The following MSANTD1 variants were observed in gnomAD, a reference collection of about 807,000 sequenced individuals.
The protein encoded by MSANTD1 is myb/SANT-like DNA-binding domain-containing protein 1.
Under a neutral mutation model 24.2 loss-of-function variants are expected in MSANTD1, and 7 were observed. That is an observed-to-expected ratio of 0.29 (90% CI 0.16 to 0.54). The LOEUF (loss-of-function observed/expected upper bound fraction) is 0.54, where lower values mean the gene tolerates loss of function less well. Among genes scored for constraint, MSANTD1 ranks in the 20% least tolerant of loss-of-function variants. The pLI is 0.94. For synonymous variants in MSANTD1, 177 were observed against 181.1 expected, an observed-to-expected ratio of 0.98 and a Z score of 0.18; for missense variants, 384 against 408.2, an observed-to-expected ratio of 0.94 and a Z score of 0.51.
upstream of MSANTD1, chr4:3,247,888 G>T (rs1722080880): frequency 6.6e-6 from 1 of 152,304 alleles, no homozygotes. Flanking sequence ...CACCTCCAAG[G>T]TGCCTCAGAG....
intron 1 of MSANTD1, among the ~76,000 whole-genome samples, chr4:3,251,232 C>T (rs1722219022): frequency 1.3e-5 from 2 of 152,234 alleles, no homozygotes; most frequent in Non-Finnish European, 2.9e-5. Flanking sequence ...GAGGTGGCCA[C>T]GACTGTTCCA....
intron 1 of MSANTD1, among the ~76,000 whole-genome samples, chr4:3,252,068 G>A (rs941545939): frequency 6.6e-6 from 1 of 152,258 alleles, no homozygotes; most frequent in Non-Finnish European, 1.5e-5. Context: ...CTGGCAGGTA[G>A]CAAGAGTAGG....
chr4:3,251,582 G>A (rs1266844833), intron 1 of MSANTD1, among the ~76,000 whole-genome samples: 2 of 152,326 alleles, frequency 1.3e-5, no homozygotes, highest in South Asian at 4.1e-4. Context: ...CTTGCCCAGG[G>A]CCACATAGTC....
chr4:3,255,287 G>A (rs530710262), intron 2 of MSANTD1, among the ~76,000 whole-genome samples: 73 of 150,644 alleles, frequency 4.8e-4, no homozygotes, highest in African/African-American at 1.7e-3. Flanking sequence ...GCAGTGGCGC[G>A]ATCTTGGCTC....
Position 3,255,713 on chromosome 4 carries a change from C to G in MSANTD1, c.597-12C>G. 1 of 1,528,038 alleles carries G rather than the reference C, an allele frequency of 6.5e-7. No homozygotes were observed. Among genetic ancestry groups the G allele is most frequent in the African/African-American group, 1.4e-5 (1 of 72,634 alleles). The allele number at this position is 1,528,038 out of a possible 1,614,324, so 94.7% of individuals were successfully genotyped here. ...GTGGCCAGCACGTCCACAGCCGGCACTGTCCTTCCAGGTCGGAGGAGCGGC... is the reference window on the plus strand; with the variant it reads ...GTGGCCAGCACGTCCACAGCCGGCAGTGTCCTTCCAGGTCGGAGGAGCGGC... On this transcript the variant is annotated splice_polypyrimidine_tract_variant and intron_variant, in intron 2 of 2. Coordinates refer to ENST00000438480, the MANE Select transcript of MSANTD1 (RefSeq NM_001042690.2).
At chr4:3,251,907 A>C (rs1235328469) in intron 1 of MSANTD1, among the ~76,000 whole-genome samples, 2 of 152,164 alleles carry the variant, frequency 1.3e-5, no homozygotes, top group Admixed American at 6.5e-5. Context: ...ATGGGCACCC[A>C]GCGCCTGCCC....
upstream of MSANTD1, among the ~76,000 whole-genome samples, chr4:3,247,005 G>A (rs558572938): frequency 6.6e-6 from 1 of 152,270 alleles, no homozygotes; most frequent in African/African-American, 2.4e-5. Flanking sequence ...GCCTCCTCTA[G>A]AGCCGTCCGG....
intron 1 of MSANTD1, among the ~76,000 whole-genome samples, chr4:3,252,267 G>T (rs551747575): frequency 6.6e-6 from 1 of 152,236 alleles, no homozygotes; most frequent in Non-Finnish European, 1.5e-5. Context: ...CTGTCTGGCC[G>T]CCATGGGGCC....
intron 1 of MSANTD1, among the ~76,000 whole-genome samples, chr4:3,250,715 G>A (rs1398713248): frequency 6.6e-6 from 1 of 152,180 alleles, no homozygotes; most frequent in South Asian, 2.1e-4. Flanking sequence ...CAGGATGGGA[G>A]TGGCCTCACT....
chr4:3,255,473 C>G (rs997662392), intron 2 of MSANTD1, among the ~76,000 whole-genome samples: 1 of 152,212 alleles, frequency 6.6e-6, no homozygotes, highest in Non-Finnish European at 1.5e-5. Context: ...ATCCACCTGC[C>G]TCTGCCTCCC....
At chr4:3,244,752 C>A (rs1247761153), upstream of MSANTD1, 1 of 152,278 alleles carries the variant, frequency 6.6e-6, no homozygotes, top group Non-Finnish European at 1.5e-5. Context: ...GCTGAGGTCC[C>A]GTCTGGTTCT....
At chr4:3,255,429 G>A (rs1240013891) in intron 2 of MSANTD1, among the ~76,000 whole-genome samples, 1 of 152,090 alleles carries the variant, frequency 6.6e-6, no homozygotes, top group East Asian at 1.9e-4. Context: ...TCACCATGTT[G>A]GCCAGGCTGG....
At chr4:3,252,250 G>C (rs1333183779) in intron 1 of MSANTD1, among the ~76,000 whole-genome samples, 1 of 152,240 alleles carries the variant, frequency 6.6e-6, no homozygotes, top group Admixed American at 6.5e-5. Context: ...CCCTGGCCTG[G>C]CCAGAGCTGT....
upstream of MSANTD1, chr4:3,248,190 G>A (rs1722093440): frequency 7.6e-6 from 1 of 130,928 alleles, no homozygotes; most frequent in Admixed American, 7.3e-5. Flanking sequence ...GAACCCCCAG[G>A]CCACCGCTCC....
At chr4:3,250,055 A>G (rs1722172977) in intron 1 of MSANTD1, among the ~76,000 whole-genome samples, 1 of 152,128 alleles carries the variant, frequency 6.6e-6, no homozygotes, top group South Asian at 2.1e-4. Flanking sequence ...GTGCTCTGCG[A>G]CTTGGAGCAT....
At position 3,249,301 on chromosome 4, in the gene MSANTD1, G is replaced by C. The variant is rs1359123623; in HGVS notation, c.79G>C (p.Glu27Gln). 1.3e-6 allele frequency: 2 copies of C among 1,534,940 alleles called. No homozygotes were observed. Among genetic ancestry groups the C allele is most frequent in the African/African-American group, 1.4e-5 (1 of 72,724 alleles). The change falls in exon 1 of 3, where the codon GAG (glutamate) becomes CAG (glutamine). Residue 27 changes from glutamate (E) to glutamine (Q), a missense_variant. By Grantham distance (29) the Glu-to-Gln change is conservative (BLOSUM62 2). Transcript: ENST00000438480. The part of the protein sequence containing the change: ...PTGASGMAAA[E>Q]GPGYLVSPQA... ...AGGCGCCTCCGGCATGGCGGCGGCC[G>C]AGGGGCCCGGCTACCTCGTGTCTCC...
rs754046691 is a variant in MSANTD1, at chr4:3,253,360, G to A, written c.474G>A (p.Ala158=). The stretch of plus-strand genomic sequence containing the variant: ...GGCCCTCCACGTCCCAGACCGAGGC[G>A]TCCCTGTCGCCGCCCGCTAAGTCCA... The part of the protein sequence containing the change: ...PPGPSTSQTE[A]SLSPPAKSTP... Residue 158 remains alanine (A), a synonymous_variant, in exon 2 of 3, where the codon GCG becomes GCA. Coordinates refer to ENST00000438480, the MANE Select transcript of MSANTD1 (RefSeq NM_001042690.2). 2.4e-5 allele frequency: 38 copies of A among 1,610,888 alleles called. No individual in the cohort carries two copies. In the Admixed American group the frequency reaches 2.5e-4, roughly 11 times the overall value.
At position 3,256,012 on chromosome 4, in the gene MSANTD1, C is replaced by T; in HGVS notation, c.*47C>T. 6.9e-7 allele frequency: 1 copy of T among 1,458,316 alleles called. No individual in the cohort carries two copies. The highest frequency in any genetic ancestry group is 9.0e-7 in the Non-Finnish European group (1 of 1,108,526). 90.3% of individuals were successfully genotyped at this position (1,458,316 alleles called of 1,614,324 possible). A position where few individuals can be genotyped will look rare whatever the true frequency, so the allele number is the denominator to read the frequency against. The stretch of plus-strand genomic sequence containing the variant: ...CGGGGCCGGGCGGCTGGTGGTACTG[C>T]TCAGGCCACCCAGGGCAGGCCACTC... On this transcript the variant is annotated 3_prime_UTR_variant, in exon 3 of 3. Coordinates refer to ENST00000438480, the MANE Select transcript of MSANTD1 (RefSeq NM_001042690.2).
intron 1 of MSANTD1, among the ~76,000 whole-genome samples, chr4:3,250,663 G>C (rs530042383): frequency 1.3e-5 from 2 of 152,330 alleles, no homozygotes; most frequent in South Asian, 4.1e-4. Flanking sequence ...GGGCGGCCTG[G>C]ACAGGGCTGG....
Sources: gnomAD v4.1 joint callset for allele counts (sites outside exome capture counted in the v4.1 genomes callset) on GRCh38, gnomAD v4.1.1 for gene constraint, MANE v1.5 for transcripts, NCBI Gene and HGNC (gene_info 2026-07-23, HGNC 2026-07-21) for gene names.